Variants in PCDHA11 observed in about 807,000 individuals in gnomAD.
PCDHA11 encodes the protein protocadherin alpha-11.
In PCDHA11, 61 loss-of-function variants were observed where a neutral mutation model predicts 70.3. That is an observed-to-expected ratio of 0.87 (90% CI 0.71 to 1.07). The LOEUF is 1.07. Ranked by LOEUF, PCDHA11 falls within the 50% of genes least tolerant of loss-of-function variation. The pLI is 0.00. For missense variants in PCDHA11, 1,324 were observed against 1,237.5 expected (o/e 1.07, Z -1.05); for synonymous variants, 633 against 555.1 (o/e 1.14, Z -1.97).
chr5:140,924,754 G>T (rs1332624356), intron 1 of PCDHA11, among the ~76,000 whole-genome samples: 1 of 151,848 alleles, frequency 6.6e-6, no homozygotes, highest in African/African-American at 2.4e-5. Flanking sequence ...AATTAACCGA[G>T]CATGGTGGTG....
At chr5:140,956,949 A>G (rs1027198370) in intron 1 of PCDHA11, among the ~76,000 whole-genome samples, 5 of 140,514 alleles carry the variant, frequency 3.6e-5, no homozygotes, top group African/African-American at 1.3e-4. Flanking sequence ...TTTACATTAA[A>G]ACACTGTAAT....
intron 1 of PCDHA11, among the ~76,000 whole-genome samples, chr5:140,891,039 AC>A (rs143686625): frequency 0.024 from 3,682 of 152,150 alleles, 153 homozygotes; most frequent in African/African-American, 0.085. Context: ...CTTAGGTGTG[AC>A]CCCCACAGCA....
At chr5:140,896,089 G>GGATTA (rs2065370419) in intron 1 of PCDHA11, among the ~76,000 whole-genome samples, 1 of 152,010 alleles carries the variant, frequency 6.6e-6, no homozygotes, top group Non-Finnish European at 1.5e-5. Flanking sequence ...GGGATTACAG[G>GGATTA]CGTGAGCCAC....
intron 1 of PCDHA11, chr5:140,884,177 C>G (rs1405519238): frequency 1.9e-6 from 3 of 1,613,322 alleles, no homozygotes; most frequent in South Asian, 1.1e-5. Flanking sequence ...GACGCGCCCT[C>G]TGGACGAGGT....
intron 1 of PCDHA11, among the ~76,000 whole-genome samples, chr5:140,950,852 A>G (rs1172997648): frequency 6.6e-6 from 1 of 151,856 alleles, no homozygotes; most frequent in Non-Finnish European, 1.5e-5. Flanking sequence ...CATTTCTTTC[A>G]TATTCTTGTA....
chr5:140,910,715 A>C (rs2075137767), intron 1 of PCDHA11, among the ~76,000 whole-genome samples: 1 of 152,118 alleles, frequency 6.6e-6, no homozygotes, highest in Admixed American at 6.5e-5. Flanking sequence ...GCCATCTTTT[A>C]ATCCATATTT....
intron 1 of PCDHA11, chr5:140,928,279 TCTCTAGGC>T: frequency 6.2e-7 from 1 of 1,614,144 alleles, no homozygotes; most frequent in Non-Finnish European, 8.5e-7. Flanking sequence ...CCCTGGGGCC[TCTCTAGGC>T]CGAGTGTTTG....
chr5:140,993,012 C>G (rs1307637137), intron 3 of PCDHA11, among the ~76,000 whole-genome samples: 2 of 152,198 alleles, frequency 1.3e-5, no homozygotes, highest in Admixed American at 1.3e-4. Context: ...CCCCAGAGTC[C>G]AGCATCCCCT....
chr5:140,892,813 T>C (rs1335475161), intron 1 of PCDHA11, among the ~76,000 whole-genome samples: 1 of 152,228 alleles, frequency 6.6e-6, no homozygotes, highest in Non-Finnish European at 1.5e-5. Context: ...ACCATATTTA[T>C]CCTACAGTGC....
intron 1 of PCDHA11, among the ~76,000 whole-genome samples, chr5:140,919,272 T>C (rs1287919874): frequency 6.6e-6 from 1 of 152,258 alleles, no homozygotes; most frequent in Non-Finnish European, 1.5e-5. Context: ...GTGTAGTCAC[T>C]CCAGCTATCT....
chr5:140,946,199 A>G (rs1300104764), intron 1 of PCDHA11, among the ~76,000 whole-genome samples: 10 of 151,964 alleles, frequency 6.6e-5, no homozygotes, highest in Admixed American at 5.2e-4. Context: ...CTCAAAAGAA[A>G]GCACACAAAT....
In PCDHA11 at chr5:141,011,694, G is replaced by A. The variant is rs1473857552; in HGVS notation, c.*1757G>A. 1.3e-5 allele frequency: 2 copies of A among 153,662 alleles called. No individual in the cohort carries two copies. Among genetic ancestry groups the A allele is most frequent in the African/African-American group, 4.8e-5 (2 of 41,412 alleles). The allele number at this position is 153,662 out of a possible 1,614,324, so 9.5% of individuals were successfully genotyped here. On this transcript the variant is annotated 3_prime_UTR_variant, in exon 4 of 4. Coordinates refer to ENST00000398640, the MANE Select transcript of PCDHA11 (RefSeq NM_018902.5). The stretch of plus-strand genomic sequence containing the variant: ...CTGTTTTGTTCTAGTAACAATTTTG[G>A]AATGAATACTGACAATATTCCATGA...
chr5:140,871,534 T>G, intron 1 of PCDHA11, 40 bp downstream of exon 1: 1 of 1,514,416 alleles, frequency 6.6e-7, no homozygotes, highest in Non-Finnish European at 8.9e-7. Context: ...GAAGTGTATG[T>G]GAAATTATTT....
At chr5:140,979,738 G>T (rs754559318) in intron 2 of PCDHA11, among the ~76,000 whole-genome samples, 10 of 152,194 alleles carry the variant, frequency 6.6e-5, no homozygotes, top group East Asian at 1.9e-4. Context: ...CCAAATAAAA[G>T]ATTCATTATT....
intron 1 of PCDHA11, among the ~76,000 whole-genome samples, chr5:140,936,457 TG>T (rs782214118): frequency 2.2e-4 from 34 of 152,232 alleles, no homozygotes; most frequent in Non-Finnish European, 4.6e-4. Flanking sequence ...ATCTGTTTAG[TG>T]GTTGCTGTAG....
chr5:140,884,167 G>T (rs1554181302), intron 1 of PCDHA11: 2 of 1,613,294 alleles, frequency 1.2e-6, no homozygotes, highest in African/African-American at 1.3e-5. Context: ...AGATCAGCAC[G>T]ACGCGCCCTC....
rs1351628380 is a variant in PCDHA11, at chr5:140,928,607, G to A, written c.2392-50342G>A. ...TCTGTCCCAGTGGAAATTGTGCCCC[G>A]CTCTGCCAGGACTGGACACTTGGTC... On this transcript the variant is annotated intron_variant, in intron 1 of 3. Coordinates refer to ENST00000398640, the MANE Select transcript of PCDHA11 (RefSeq NM_018902.5). 3.1e-6 allele frequency: 5 copies of A among 1,614,068 alleles called. No homozygotes were observed. In the South Asian group the frequency reaches 3.3e-5, roughly 11 times the overall value.
At chr5:140,922,427 G>A (rs1407931624) in intron 1 of PCDHA11, among the ~76,000 whole-genome samples, 2 of 152,212 alleles carry the variant, frequency 1.3e-5, no homozygotes, top group Middle Eastern at 3.4e-3. Context: ...AGAGGCTGAG[G>A]GCAGAACTCT....
At chr5:140,987,990 C>T (rs57614084) in intron 3 of PCDHA11, among the ~76,000 whole-genome samples, 1 of 152,190 alleles carries the variant, frequency 6.6e-6, no homozygotes, top group African/African-American at 2.4e-5. Context: ...GACTCCATCT[C>T]TGATCCTTCC....
Sources: allele counts gnomAD v4.1 joint callset (sites outside exome capture counted in the v4.1 genomes callset), GRCh38; gene constraint gnomAD v4.1.1; transcripts MANE v1.5; gene names NCBI Gene and HGNC (gene_info 2026-07-23, HGNC 2026-07-21).